The following KCND2 variants were observed in gnomAD, a reference collection of about 807,000 sequenced individuals.
KCND2 encodes the protein A-type voltage-gated potassium channel KCND2.
KCND2 carries 16 observed loss-of-function variants against 54.4 expected under a neutral mutation model. That is an observed-to-expected ratio of 0.29 (90% confidence interval 0.20 to 0.45). The LOEUF (loss-of-function observed/expected upper bound fraction) is 0.45. KCND2 is among the 20% of genes least tolerant of loss of function. The probability of loss-of-function intolerance (pLI) is 1.00; values close to 1 mark genes in which losing one functional copy is unlikely to be tolerated. For synonymous variants in KCND2, 317 were observed against 310.7 expected, an observed-to-expected ratio of 1.02 and a Z score of -0.21; for missense variants, 486 against 824.2, an observed-to-expected ratio of 0.59 and a Z score of 5.02.
intron 1 of KCND2, among the ~76,000 whole-genome samples, chr7:120,471,863 A>G (rs1207109861): frequency 6.6e-6 from 1 of 152,032 alleles, no homozygotes; most frequent in Non-Finnish European, 1.5e-5. Context: ...ACTCAGTAAA[A>G]CAAAATGTAA....
At chr7:120,386,439 A>AT (rs1001964935) in intron 1 of KCND2, among the ~76,000 whole-genome samples, 23 of 151,762 alleles carry the variant, frequency 1.5e-4, no homozygotes, top group Non-Finnish European at 1.9e-4. Context: ...CTCAACAGAC[A>AT]TTTTTTTTGT....
intron 1 of KCND2, among the ~76,000 whole-genome samples, chr7:120,347,584 C>A (rs1319282842): frequency 2.6e-5 from 4 of 151,690 alleles, no homozygotes; most frequent in Non-Finnish European, 5.9e-5. Flanking sequence ...ATGGTGAAAC[C>A]CCGTCTCTAC....
At chr7:120,711,526 T>C (rs189350939) in intron 1 of KCND2, among the ~76,000 whole-genome samples, 244 of 152,204 alleles carry the variant, frequency 1.6e-3, no homozygotes, top group African/African-American at 5.4e-3. Flanking sequence ...TGAAAACAAG[T>C]AGAACTAAAT....
chr7:120,391,261 G>A (rs1482355292), intron 1 of KCND2, among the ~76,000 whole-genome samples: 1 of 152,074 alleles, frequency 6.6e-6, no homozygotes, highest in Non-Finnish European at 1.5e-5. Flanking sequence ...TCTTTCTTAT[G>A]GCTGCACAGA....
chr7:120,647,705 T>G (rs1793459414), intron 1 of KCND2, among the ~76,000 whole-genome samples: 1 of 152,246 alleles, frequency 6.6e-6, no homozygotes, highest in South Asian at 2.1e-4. Flanking sequence ...TATTCTCCAT[T>G]AAATATTTGC....
chr7:120,716,594 G>A (rs1005080117), intron 1 of KCND2, among the ~76,000 whole-genome samples: 5 of 151,994 alleles, frequency 3.3e-5, no homozygotes, highest in South Asian at 4.1e-4. Flanking sequence ...GTCAGTTCAC[G>A]AAGAAGAAAA....
chr7:120,671,463 G>A (rs1034765198), intron 1 of KCND2, among the ~76,000 whole-genome samples: 2 of 151,970 alleles, frequency 1.3e-5, no homozygotes, highest in Non-Finnish European at 2.9e-5. Flanking sequence ...CGGGAGGTGG[G>A]GACCTCTGCC....
chr7:120,412,121 T>G (rs1252650269), intron 1 of KCND2, among the ~76,000 whole-genome samples: 1 of 152,074 alleles, frequency 6.6e-6, no homozygotes, highest in Non-Finnish European at 1.5e-5. Flanking sequence ...TTCAATTTTC[T>G]CATAAACAAT....
At chr7:120,721,058 G>A (rs564617829) in intron 1 of KCND2, among the ~76,000 whole-genome samples, 1 of 152,200 alleles carries the variant, frequency 6.6e-6, no homozygotes, top group Admixed American at 6.5e-5. Context: ...CACATGATTT[G>A]TTTCCTCTTT....
rs527842380 is a variant in KCND2 at position 120,311,215 on chromosome 7, T to G, written c.1115+35468T>G. ...TCTTCCTATTAGCAAAACTGTGCTC[T>G]TTAAGGATTTTTGCTGACATAAGCA... is the stretch of plus-strand genomic sequence containing the variant. On this transcript the variant is annotated intron_variant, in intron 1 of 5. Transcript: ENST00000331113. Among the ~76,000 whole-genome samples, 15 of 152,304 alleles carry G rather than the reference T, an allele frequency of 9.8e-5. No individual in the cohort carries two copies. In the South Asian group the frequency reaches 2.9e-3, roughly 29 times the overall value.
chr7:120,684,610 C>CAGTT (rs1792178365), intron 1 of KCND2, among the ~76,000 whole-genome samples: 1 of 152,074 alleles, frequency 6.6e-6, no homozygotes, highest in Non-Finnish European at 1.5e-5. Context: ...TGCTTAGAAA[C>CAGTT]AGTTTACAGC....
chr7:120,461,295 T>C (rs574148825), intron 1 of KCND2, among the ~76,000 whole-genome samples: 3 of 152,340 alleles, frequency 2.0e-5, no homozygotes, highest in Admixed American at 1.3e-4. Flanking sequence ...CTGTGGAAAA[T>C]ATCCACAAGA....
intron 1 of KCND2, among the ~76,000 whole-genome samples, chr7:120,573,926 G>C (rs1426959647): frequency 6.6e-6 from 1 of 152,066 alleles, no homozygotes; most frequent in Non-Finnish European, 1.5e-5. Context: ...TCACTTTTCT[G>C]TATACCATTC....
At chr7:120,516,998 C>T (rs2116340754) in intron 1 of KCND2, among the ~76,000 whole-genome samples, 1 of 152,038 alleles carries the variant, frequency 6.6e-6, no homozygotes, top group African/African-American at 2.4e-5. Context: ...TTATTTTCTC[C>T]AAAGGAAACT....
At chr7:120,334,700 T>A (rs1340008553) in intron 1 of KCND2, among the ~76,000 whole-genome samples, 1 of 152,226 alleles carries the variant, frequency 6.6e-6, no homozygotes, top group Non-Finnish European at 1.5e-5. Flanking sequence ...CAAGGTGATA[T>A]ATATTTCACC....
At chr7:120,552,106 G>T (rs181566211) in intron 1 of KCND2, among the ~76,000 whole-genome samples, 1 of 152,134 alleles carries the variant, frequency 6.6e-6, no homozygotes. Flanking sequence ...TATCTTATAA[G>T]AATATGCAAA....
At chr7:120,470,194 T>G (rs10277228) in intron 1 of KCND2, among the ~76,000 whole-genome samples, 25,207 of 152,126 alleles carry the variant, frequency 0.17, 2,505 homozygotes, top group African/African-American at 0.27. Flanking sequence ...AGTAACAAAT[T>G]AATAAAGTTC....
chr7:120,623,334 C>T (rs1793126051), intron 1 of KCND2, among the ~76,000 whole-genome samples: 2 of 152,162 alleles, frequency 1.3e-5, no homozygotes, highest in African/African-American at 2.4e-5. Flanking sequence ...GCCCTCCCTT[C>T]ACCATCCCCT....
intron 1 of KCND2, among the ~76,000 whole-genome samples, chr7:120,334,219 A>T (rs1223703525): frequency 2.6e-5 from 4 of 152,228 alleles, no homozygotes; most frequent in Admixed American, 2.6e-4. Context: ...TTTAGCCTAA[A>T]TAGAATATTC....
Sources: allele counts gnomAD v4.1 joint callset (sites outside exome capture counted in the v4.1 genomes callset), GRCh38; gene constraint gnomAD v4.1.1; transcripts MANE v1.5; gene names NCBI Gene and HGNC (gene_info 2026-07-23, HGNC 2026-07-21).